Variants in FIRRM observed in about 807,000 individuals in gnomAD.
FIRRM encodes the protein FIGNL1 interacting regulator of recombination and mitosis.
At chr1:169,851,961 C>T in the FIRRM span, 2 of 1,613,660 alleles carry the variant, frequency 1.2e-6, no homozygotes, top group Non-Finnish European at 1.7e-6. Context: ...CAATAGGGGC[C>T]AAACTTTAAC....
the FIRRM span, chr1:169,853,546 C>T: frequency 1.4e-6 from 1 of 689,986 alleles, no homozygotes; most frequent in Non-Finnish European, 2.4e-6. Context: ...TTAGCCAGCA[C>T]TCACAGTCAG....
At chr1:169,843,878 G>A in the FIRRM span, 2 of 660,358 alleles carry the variant, frequency 3.0e-6, no homozygotes, top group Non-Finnish European at 5.4e-6. Flanking sequence ...CTCTTGTTGT[G>A]TCATATATTG....
the FIRRM span, among the ~76,000 whole-genome samples, chr1:169,809,899 T>C: frequency 6.6e-6 from 1 of 152,234 alleles, no homozygotes; most frequent in South Asian, 2.1e-4. Flanking sequence ...TTAGTCCATT[T>C]AGGCTGCTAT....
chr1:169,808,660 A>G, the FIRRM span, among the ~76,000 whole-genome samples: 5 of 148,112 alleles, frequency 3.4e-5, no homozygotes, highest in South Asian at 2.1e-4. Flanking sequence ...GCTGGAGTGC[A>G]GTGGTATGAC....
At chr1:169,807,843 A>T in the FIRRM span, 1 of 1,608,584 alleles carries the variant, frequency 6.2e-7, no homozygotes, top group East Asian at 2.2e-5. Context: ...ACACAAAGAT[A>T]TAATTACTAG....
At chr1:169,793,232 G>A in the FIRRM span, 25 of 1,614,068 alleles carry the variant, frequency 1.5e-5, no homozygotes, top group Middle Eastern at 1.6e-4. Flanking sequence ...AATCAGATCA[G>A]AGTGAGAAGA....
the FIRRM span, chr1:169,851,832 GA>G: frequency 6.2e-7 from 1 of 1,613,920 alleles, no homozygotes; most frequent in Non-Finnish European, 8.5e-7. Flanking sequence ...GTTTGTAGAT[GA>G]AACTGAAGCT....
the FIRRM span, chr1:169,849,619 GATTT>G: frequency 1.9e-6 from 3 of 1,561,092 alleles, no homozygotes; most frequent in Non-Finnish European, 2.6e-6. Context: ...TTATAAAACT[GATTT>G]ATCACAGTGA....
At chr1:169,840,339 C>G in the FIRRM span, among the ~76,000 whole-genome samples, 1 of 152,106 alleles carries the variant, frequency 6.6e-6, no homozygotes, top group Non-Finnish European at 1.5e-5. Context: ...ATGATACTGA[C>G]TCTTCCAATC....
the FIRRM span, among the ~76,000 whole-genome samples, chr1:169,799,301 A>G: frequency 2.0e-5 from 3 of 152,232 alleles, no homozygotes; most frequent in African/African-American, 7.2e-5. Context: ...GTTTAGTGTC[A>G]TTTAGAAAAT....
the FIRRM span, chr1:169,830,402 A>C: frequency 7.4e-7 from 1 of 1,355,996 alleles, no homozygotes. Context: ...GACAGTAGAT[A>C]ATTTTATAAT....
the FIRRM span, chr1:169,843,679 A>T: frequency 6.2e-7 from 1 of 1,607,740 alleles, no homozygotes; most frequent in African/African-American, 1.3e-5. Context: ...CTTAGGTAGC[A>T]GATCAACCTT....
the FIRRM span, among the ~76,000 whole-genome samples, chr1:169,833,991 G>C: frequency 4.0e-5 from 6 of 151,320 alleles, no homozygotes; most frequent in Non-Finnish European, 8.8e-5. Context: ...GAGCTCAGCT[G>C]TCACTTTCCT....
the FIRRM span, chr1:169,796,015 A>G: frequency 2.1e-6 from 2 of 964,506 alleles, no homozygotes; most frequent in Non-Finnish European, 2.5e-6. Context: ...CTTTTTCACA[A>G]CATTTGAGCC....
chr1:169,811,708 GATAATAGACAGATTA>G, the FIRRM span, among the ~76,000 whole-genome samples: 2 of 149,784 alleles, frequency 1.3e-5, no homozygotes, highest in Non-Finnish European at 3.0e-5. Flanking sequence ...TATCTAAATA[GATAATAGACAGATTA>G]TCTAAATAGA....
the FIRRM span, among the ~76,000 whole-genome samples, chr1:169,810,834 A>AATTTTTT: frequency 1.3e-4 from 8 of 61,208 alleles, no homozygotes; most frequent in East Asian, 3.8e-3. Flanking sequence ...TTAGCCCCCA[A>AATTTTTT]TTTTTTTTTT....
At chr1:169,849,664 C>T in the FIRRM span, 1 of 1,297,168 alleles carries the variant, frequency 7.7e-7, no homozygotes, top group East Asian at 2.3e-5. Flanking sequence ...TTCAAATATT[C>T]CAGAACAATC....
chr1:169,785,545 G>A, the FIRRM span, among the ~76,000 whole-genome samples: 1 of 152,114 alleles, frequency 6.6e-6, no homozygotes, highest in Non-Finnish European at 1.5e-5. Flanking sequence ...GAGTTTGGCT[G>A]TCCAGCAGCC....
the FIRRM span, among the ~76,000 whole-genome samples, chr1:169,818,398 A>G: frequency 6.6e-6 from 1 of 152,204 alleles, no homozygotes; most frequent in Non-Finnish European, 1.5e-5. Flanking sequence ...GCAGTTTATG[A>G]CCTTAAAGCA....
Sources: allele counts gnomAD v4.1 joint callset (sites outside exome capture counted in the v4.1 genomes callset), GRCh38; gene constraint gnomAD v4.1.1; transcripts MANE v1.5; gene names NCBI Gene and HGNC (gene_info 2026-07-23, HGNC 2026-07-21).